Variants in TRPM6 observed in about 807,000 individuals in gnomAD.
TRPM6 encodes transient receptor potential cation channel subfamily M member 6, also known as channel kinase 2.
In TRPM6, 111 loss-of-function variants were observed where a neutral mutation model predicts 247.6. That is an observed-to-expected ratio of 0.45 (90% CI 0.38 to 0.52). The LOEUF is 0.52. TRPM6 is among the 20% of genes least tolerant of loss of function. The probability of loss-of-function intolerance (pLI) is 0.00; values close to 1 mark genes in which losing one functional copy is unlikely to be tolerated. For synonymous variants in TRPM6, 892 were observed against 853.8 expected (o/e 1.04, Z -0.78); for missense variants, 2,126 against 2,421.5 (o/e 0.88, Z 2.56).
At chr9:74,745,457 G>A (rs1473019896) in intron 31 of TRPM6, among the ~76,000 whole-genome samples, 1 of 150,280 alleles carries the variant, frequency 6.7e-6, no homozygotes, top group Non-Finnish European at 1.5e-5. Context: ...GTGTGTGTGT[G>A]TGTGCGTGTG....
intron 37 of TRPM6, among the ~76,000 whole-genome samples, chr9:74,732,432 G>C (rs1016643191): frequency 6.6e-6 from 1 of 152,152 alleles, no homozygotes; most frequent in African/African-American, 2.4e-5. Flanking sequence ...ATTTGCATTA[G>C]TCCTTATAAT....
chr9:74,748,218 G>A (rs926893719), intron 30 of TRPM6, among the ~76,000 whole-genome samples: 2 of 152,186 alleles, frequency 1.3e-5, no homozygotes, highest in African/African-American at 4.8e-5. Context: ...GTGTAAGTAA[G>A]CCTACTGTGC....
intron 25 of TRPM6, among the ~76,000 whole-genome samples, chr9:74,765,333 T>A (rs937648192): frequency 1.3e-5 from 2 of 148,304 alleles, no homozygotes; most frequent in Non-Finnish European, 3.0e-5. Context: ...GAGAAAATAT[T>A]TTTGATGTGT....
At chr9:74,823,054 T>G (rs1020720263) in intron 7 of TRPM6, among the ~76,000 whole-genome samples, 1 of 152,228 alleles carries the variant, frequency 6.6e-6, no homozygotes, top group Non-Finnish European at 1.5e-5. Flanking sequence ...ACACCACACA[T>G]ATATTGATAT....
intron 24 of TRPM6, among the ~76,000 whole-genome samples, chr9:74,774,424 G>T (rs549966955): frequency 2.6e-5 from 4 of 152,178 alleles, no homozygotes; most frequent in Non-Finnish European, 5.9e-5. Context: ...TTAACTTCAG[G>T]TATGCTTTGG....
At chr9:74,867,725 T>C (rs187895530) in intron 1 of TRPM6, among the ~76,000 whole-genome samples, 329 of 152,292 alleles carry the variant, frequency 2.2e-3, no homozygotes, top group African/African-American at 7.6e-3. Context: ...ACCAGCCCTT[T>C]ACAATCCATA....
intron 3 of TRPM6, among the ~76,000 whole-genome samples, chr9:74,848,861 A>C (rs1038949590): frequency 6.6e-6 from 1 of 151,004 alleles, no homozygotes; most frequent in East Asian, 1.9e-4. Context: ...CAGTGAGAAG[A>C]AAAAAACGTA....
In TRPM6 at chr9:74,858,754, A is replaced by C; in HGVS notation, c.34-6T>G. 2 of 1,606,076 alleles carry C rather than the reference A, an allele frequency of 1.2e-6. No homozygotes were observed. The highest frequency in any genetic ancestry group is 1.7e-6 in the Non-Finnish European group (2 of 1,173,004). On this transcript the variant is annotated splice_region_variant and splice_polypyrimidine_tract_variant and intron_variant, in intron 1 of 38. Coordinates refer to ENST00000360774, the MANE Select transcript of TRPM6 (RefSeq NM_017662.5). ...TTAATCCAGGATTTCTGGGACTAAAAAGAAAGTGTCATTATTTTATACTCT... is the reference window on the plus strand; with the variant it reads ...TTAATCCAGGATTTCTGGGACTAAACAGAAAGTGTCATTATTTTATACTCT...
chr9:74,857,095 T>C (rs1215185945), intron 2 of TRPM6, among the ~76,000 whole-genome samples: 1 of 152,182 alleles, frequency 6.6e-6, no homozygotes, highest in Non-Finnish European at 1.5e-5. Context: ...ATGAGCCACC[T>C]GAATCAACTT....
rs573068293 is a variant in TRPM6, at chr9:74,818,960, T to C, written c.1134+1344A>G. ...AGAAAGATCACCTTGAATCATGACATATCTGTATATTTACTGTAATTGTCA... is the reference window on the plus strand; with the variant it reads ...AGAAAGATCACCTTGAATCATGACACATCTGTATATTTACTGTAATTGTCA... On this transcript the variant is annotated intron_variant, in intron 9 of 38. Transcript: ENST00000360774. Among the ~76,000 whole-genome samples the C allele has an allele frequency of 3.3e-5, 5 of 152,180 alleles. No homozygotes were observed. In the East Asian group the frequency reaches 7.7e-4, roughly 24 times the overall value.
chr9:74,807,993 A>C, intron 14 of TRPM6, 41 bp downstream of exon 14: 1 of 1,612,336 alleles, frequency 6.2e-7, no homozygotes. Flanking sequence ...ACAATTCCTA[A>C]TCATTCTCAA....
chr9:74,743,332 T>C (rs1825923975), intron 32 of TRPM6, among the ~76,000 whole-genome samples: 1 of 152,214 alleles, frequency 6.6e-6, no homozygotes, highest in Non-Finnish European at 1.5e-5. Flanking sequence ...TATATAATTA[T>C]AACAGTAATT....
At position 74,752,360 on chromosome 9, in the gene TRPM6, G is replaced by T; in HGVS notation, c.4915C>A (p.Pro1639Thr). Residue 1639 changes from proline to threonine, a missense_variant, in exon 29 of 39, where the codon CCT (proline) becomes ACT (threonine). This residue lies in a region of TRPM6 where 717 missense variants were observed against 715.9 expected (regional missense o/e 1.00). Transcript: ENST00000360774. ...GTTTTCATTTTCTGATGTATGTAAG[G>T]TTCTACACCTTGTAAAGAGGAAGAG... ...VSKFSHTGVEPYIHQKMKTKE... is the reference protein window; with the variant it reads ...VSKFSHTGVETYIHQKMKTKE... 6.4e-7 allele frequency: 1 copy of T among 1,557,414 alleles called. No homozygotes were observed. The highest frequency in any genetic ancestry group is 8.8e-7 in the Non-Finnish European group (1 of 1,134,760).
chr9:74,789,610 C>T (rs2118959140), intron 19 of TRPM6, among the ~76,000 whole-genome samples: 1 of 152,224 alleles, frequency 6.6e-6, no homozygotes, highest in East Asian at 1.9e-4. Flanking sequence ...GACTGCAGTC[C>T]TCTAAATAGC....
At chr9:74,758,572 A>T (rs1240213913) in intron 27 of TRPM6, among the ~76,000 whole-genome samples, 2 of 152,170 alleles carry the variant, frequency 1.3e-5, no homozygotes, top group Non-Finnish European at 2.9e-5. Flanking sequence ...AGCATTTGAC[A>T]AAGGCTAATA....
intron 1 of TRPM6, among the ~76,000 whole-genome samples, chr9:74,860,855 A>T (rs1008154590): frequency 2.6e-5 from 4 of 152,074 alleles, no homozygotes; most frequent in African/African-American, 9.7e-5. Context: ...CTGTCTCTAC[A>T]AAATACAGGA....
chr9:74,790,542 T>G (rs972923446), intron 19 of TRPM6, among the ~76,000 whole-genome samples: 1 of 152,214 alleles, frequency 6.6e-6, no homozygotes, highest in Non-Finnish European at 1.5e-5. Context: ...TGGACTCATT[T>G]ACGTACATTA....
rs1052435340 is a variant in TRPM6, at chr9:74,797,022, C to T, written c.2239-129G>A. On this transcript the variant is annotated intron_variant, in intron 17 of 38. Coordinates refer to ENST00000360774, the MANE Select transcript of TRPM6 (RefSeq NM_017662.5). Reference sequence around the variant, plus strand: ...ATCCCAGTCAATTTTCATCGCATTTCTATAAATAATTTTTTGACTCGGCAA... The same window carrying T: ...ATCCCAGTCAATTTTCATCGCATTTTTATAAATAATTTTTTGACTCGGCAA... The T allele has an allele frequency of 1.1e-5, 9 of 844,900 alleles. No individual in the cohort carries two copies. In the Admixed American group the frequency reaches 1.3e-4, roughly 13 times the overall value. The allele number at this position is 844,900 out of a possible 1,614,324, so 52.3% of individuals were successfully genotyped here. A position where few individuals can be genotyped will look rare whatever the true frequency, so the allele number is the denominator to read the frequency against.
At chr9:74,887,483 C>T in intron 1 of TRPM6, 3 of 952,852 alleles carry the variant, frequency 3.1e-6, no homozygotes, top group Admixed American at 4.6e-5. Context: ...GGAATCAGAG[C>T]TGCCTCCTCT....
Sources: gnomAD v4.1 joint callset for allele counts (sites outside exome capture counted in the v4.1 genomes callset) on GRCh38, gnomAD v4.1.1 for gene constraint, gnomAD v4.1.1 regional missense constraint, MANE v1.5 for transcripts, NCBI Gene and HGNC (gene_info 2026-07-23, HGNC 2026-07-21) for gene names.